Variants in GCC2 observed in about 807,000 individuals in gnomAD.
GCC2 encodes GRIP and coiled-coil domain-containing protein 2.
In GCC2, 120 loss-of-function variants were observed where a neutral mutation model predicts 210.6. The observed-to-expected ratio is 0.57, with a 90% CI of 0.49 to 0.66. The LOEUF (loss-of-function observed/expected upper bound fraction) is 0.66, where lower values mean the gene tolerates loss of function less well. GCC2 is among the 30% of genes least tolerant of loss of function. The pLI is 0.00. For synonymous variants in GCC2, 703 were observed against 652.7 expected, an observed-to-expected ratio of 1.08 and a Z score of -1.17; for missense variants, 1,868 against 1,871.9, an observed-to-expected ratio of 1.00 and a Z score of 0.04.
At chr2:108,476,578 G>A (rs1171945477) in intron 9 of GCC2, among the ~76,000 whole-genome samples, 1 of 151,806 alleles carries the variant, frequency 6.6e-6, no homozygotes, top group Non-Finnish European at 1.5e-5. Flanking sequence ...AAAAAGATAA[G>A]AATTAAAAAT....
At position 108,478,249 on chromosome 2, in the gene GCC2, A is replaced by G. The variant is rs143190986; in HGVS notation, c.3060+2399A>G. Among the ~76,000 whole-genome samples the G allele has an allele frequency of 2.3e-3, 226 of 100,384 alleles. No individual in the cohort carries two copies. In the Middle Eastern group the frequency reaches 0.042, roughly 19 times the overall value. The allele number at this position is 100,384 out of a possible 152,430, so 65.9% of individuals were successfully genotyped here. A position where few individuals can be genotyped will look rare whatever the true frequency, so the allele number is the denominator to read the frequency against. ...AACATACTAATTCTTTGTCATGTATAAATTTAAATTTTCAAATTTCATTAC... is the reference window on the plus strand; with the variant it reads ...AACATACTAATTCTTTGTCATGTATGAATTTAAATTTTCAAATTTCATTAC... On this transcript the variant is annotated intron_variant, in intron 9 of 22. Transcript: ENST00000309863.
chr2:108,471,678 A>C lies in GCC2; in HGVS notation c.2349A>C (p.Leu783=). The C allele has an allele frequency of 1.2e-6, 2 of 1,613,674 alleles. No homozygotes were observed. The highest frequency in any genetic ancestry group is 2.2e-5 in the South Asian group (2 of 91,034). Residue 783 remains leucine, a synonymous_variant, in exon 6 of 23, where the codon CTA becomes CTC. Transcript: ENST00000309863. ...AAGAGAAAGATGTTGTTAATGTCCT[A>C]CAGGCAGTCGGTGAATCCTTGGCAA... The part of the protein sequence containing the change: ...DSEEKDVVNV[L]QAVGESLAKI...
At chr2:108,473,719 T>G (rs1681359608) in intron 7 of GCC2, among the ~76,000 whole-genome samples, 1 of 152,112 alleles carries the variant, frequency 6.6e-6, no homozygotes, top group Non-Finnish European at 1.5e-5. Context: ...AATGGGTGAT[T>G]GGGGCAGATT....
intron 4 of GCC2, chr2:108,462,660 T>TCAAGCGATTCTCCTGCCTC (rs1680665613): frequency 6.9e-6 from 1 of 145,838 alleles, no homozygotes; most frequent in Admixed American, 6.9e-5. Flanking sequence ...CCTCCTGGGT[T>TCAAGCGATTCTCCTGCCTC]CAAGCGATTC....
chr2:108,450,595 A>T (rs141244450), intron 2 of GCC2, among the ~76,000 whole-genome samples: 1 of 152,356 alleles, frequency 6.6e-6, no homozygotes, highest in East Asian at 1.9e-4. Context: ...GATTTTAAAA[A>T]ATGTGGCCGG....
chr2:108,482,699 C>T (rs1012611816), intron 11 of GCC2, among the ~76,000 whole-genome samples: 4 of 152,060 alleles, frequency 2.6e-5, no homozygotes, highest in Admixed American at 6.6e-5. Flanking sequence ...TTTTTTGAGA[C>T]GGAGTCTCGC....
chr2:108,492,141 G>T (rs548778944), intron 18 of GCC2, among the ~76,000 whole-genome samples: 144 of 140,106 alleles, frequency 1.0e-3, no homozygotes, highest in South Asian at 2.5e-3. Context: ...AGAGTGTGGG[G>T]TTTTTTTTTT....
chr2:108,494,561 G>C (rs1202286360), intron 19 of GCC2: 2 of 152,182 alleles, frequency 1.3e-5, no homozygotes, highest in South Asian at 4.1e-4. Context: ...CTGCCAAGCA[G>C]ATTTCAACAA....
At position 108,507,567 on chromosome 2, in the gene GCC2, A is replaced by G; in HGVS notation, c.4992A>G (p.Glu1664=). Residue 1664 remains glutamate (E), a synonymous_variant, in exon 23 of 23, where the codon GAA becomes GAG. Coordinates refer to ENST00000309863, the MANE Select transcript of GCC2 (RefSeq NM_181453.4). ...GKLAAVAQGE[E]ENASRSSGWA... Reference sequence around the variant, plus strand: ...TTGTTTTACTTTCCAAAGGTGAGGAAGAAAATGCTTCCCGTTCTTCTGGAT... The same window carrying G: ...TTGTTTTACTTTCCAAAGGTGAGGAGGAAAATGCTTCCCGTTCTTCTGGAT... The G allele has an allele frequency of 6.3e-7, 1 of 1,599,104 alleles. No individual in the cohort carries two copies.
intron 22 of GCC2, among the ~76,000 whole-genome samples, chr2:108,505,835 C>A (rs1250210676): frequency 6.6e-6 from 1 of 152,122 alleles, no homozygotes. Context: ...TAATTTGTTA[C>A]GCAGCAGATT....
Position 108,504,859 on chromosome 2 carries a change from A to C in GCC2, c.4985-2701A>C, listed in dbSNP as rs1455136980. 2.0e-5 allele frequency among the ~76,000 whole-genome samples: 3 copies of C among 152,184 alleles called. No individual in the cohort carries two copies. The East Asian group carries it at 5.8e-4, about 29-fold the overall frequency. ...TACACAGAGGTCTAAAACTCTCTAC[A>C]AGTAAATAAAGACGAAAAAAAAGCC... is the stretch of plus-strand genomic sequence containing the variant. On this transcript the variant is annotated intron_variant, in intron 22 of 22. Coordinates refer to ENST00000309863, the MANE Select transcript of GCC2 (RefSeq NM_181453.4).
At chr2:108,473,996 CA>C (rs11450108) in intron 7 of GCC2, among the ~76,000 whole-genome samples, 38 of 145,858 alleles carry the variant, frequency 2.6e-4, no homozygotes, top group Non-Finnish European at 2.3e-4. Flanking sequence ...TACTAAAAAT[CA>C]AAAAAAAAAA....
intron 3 of GCC2, among the ~76,000 whole-genome samples, chr2:108,451,841 C>CTCTCTCT (rs895123684): frequency 4.8e-5 from 6 of 124,926 alleles, no homozygotes; most frequent in African/African-American, 1.8e-4. Flanking sequence ...CTCTCTCTCT[C>CTCTCTCT]TTTTTTTTTT....
chr2:108,454,979 A>AGAGTGT lies in GCC2; in HGVS notation c.216+2513_216+2514insGAGTGT, dbSNP rs1271223117. ...GTGATCTCCGCTCACTGCAACCTCT[A>AGAGTGT]TAGAGTGTTAGAAAACACTCTAGAA... On this transcript the variant is annotated intron_variant, in intron 4 of 22. Coordinates refer to ENST00000309863, the MANE Select transcript of GCC2 (RefSeq NM_181453.4). 1.1e-3 allele frequency among the ~76,000 whole-genome samples: 27 copies of AGAGTGT among 24,726 alleles called. 1 individual carries two copies. Among genetic ancestry groups the AGAGTGT allele is most frequent in the East Asian group, 0.077 (2 of 26 alleles). The allele number at this position is 24,726 out of a possible 152,430, so 16.2% of individuals were successfully genotyped here.
At position 108,481,815 on chromosome 2, in the gene GCC2, A is replaced by G. The variant is rs1273683937; in HGVS notation, c.3179A>G (p.Gln1060Arg). ...AGACAATTAAGAAATTCGACTTTGC[A>G]GGTAATTTTTTAATAAATCCAAAAA... ...LTRQLRNSTLQCETINSDNED... is the reference protein window; with the variant it reads ...LTRQLRNSTLRCETINSDNED... The change falls in exon 10 of 23, where the codon CAG (glutamine) becomes CGG (arginine). Residue 1060 changes from glutamine (Q) to arginine (R), a missense_variant and splice_region_variant. Transcript: ENST00000309863. 4 of 1,553,188 alleles carry G rather than the reference A, an allele frequency of 2.6e-6. No homozygotes were observed. In the African/African-American group the frequency reaches 5.6e-5, roughly 22 times the overall value.
chr2:108,489,797 C>T, intron 17 of GCC2, 41 bp from the exon 18 acceptor site: 1 of 1,424,130 alleles, frequency 7.0e-7, no homozygotes, highest in Non-Finnish European at 9.6e-7. Context: ...ATCAAATTCA[C>T]CTTTTTCAAA....
At chr2:108,487,355 C>A (rs1340472492) in intron 16 of GCC2, among the ~76,000 whole-genome samples, 1 of 152,078 alleles carries the variant, frequency 6.6e-6, no homozygotes, top group Non-Finnish European at 1.5e-5. Context: ...ATTGAGAGGC[C>A]TTTAAAAAGT....
chr2:108,469,602 TC>T, intron 5 of GCC2, 48 bp from the exon 6 acceptor site: 1 of 1,337,082 alleles, frequency 7.5e-7, no homozygotes, highest in Non-Finnish European at 1.0e-6. Context: ...GGTCAGAGGC[TC>T]CTTTTGTCTT....
At position 108,471,041 on chromosome 2, in the gene GCC2, A is replaced by G; in HGVS notation, c.1712A>G (p.Tyr571Cys). Reference sequence around the variant, plus strand: ...AACCTTCAAGAAAAGAATGGAGTATACTTACTTAGTCTCAGTCAAAGAGAT... The same window carrying G: ...AACCTTCAAGAAAAGAATGGAGTATGCTTACTTAGTCTCAGTCAAAGAGAT... ...IKNLQEKNGV[Y>C]LLSLSQRDTM... Residue 571 changes from tyrosine (Y) to cysteine (C), a missense_variant, in exon 6 of 23, where the codon TAC becomes TGC. By Grantham distance (194) the Tyr-to-Cys change is radical (BLOSUM62 -2). Transcript: ENST00000309863. 1.2e-6 allele frequency: 2 copies of G among 1,602,454 alleles called. No homozygotes were observed. The highest frequency in any genetic ancestry group is 1.7e-6 in the Non-Finnish European group (2 of 1,170,564).
Sources: gnomAD v4.1 joint callset for allele counts (sites outside exome capture counted in the v4.1 genomes callset) on GRCh38, gnomAD v4.1.1 for gene constraint, MANE v1.5 for transcripts, NCBI Gene and HGNC (gene_info 2026-07-23, HGNC 2026-07-21) for gene names.